The following PALLD variants were observed in gnomAD, a reference collection of about 807,000 sequenced individuals.
The protein encoded by PALLD is palladin.
In PALLD, 61 loss-of-function variants were observed where a neutral mutation model predicts 123.5. The observed-to-expected ratio is 0.49, with a 90% CI of 0.40 to 0.61. The LOEUF is 0.61. Among genes scored for constraint, PALLD ranks in the 20% least tolerant of loss-of-function variants. PALLD has a pLI of 0.00. For synonymous variants in PALLD, 465 were observed against 496.4 expected, an observed-to-expected ratio of 0.94 and a Z score of 0.84; for missense variants, 1,273 against 1,377.0, an observed-to-expected ratio of 0.92 and a Z score of 1.20.
At chr4:168,628,020 G>A (rs1012267778) in intron 2 of PALLD, among the ~76,000 whole-genome samples, 43 of 152,226 alleles carry the variant, frequency 2.8e-4, no homozygotes, top group African/African-American at 9.9e-4. Flanking sequence ...AACATTGCTA[G>A]TGGAAGTGTA....
intron 1 of PALLD, chr4:168,504,947 C>A (rs1468776769): frequency 3.9e-5 from 6 of 152,196 alleles, no homozygotes; most frequent in African/African-American, 1.4e-4. Flanking sequence ...ATCACACCGG[C>A]ATAGAATTAC....
chr4:168,668,731 T>C (rs1336086473), intron 3 of PALLD, among the ~76,000 whole-genome samples: 1 of 152,246 alleles, frequency 6.6e-6, no homozygotes, highest in Non-Finnish European at 1.5e-5. Flanking sequence ...AAATCATTCA[T>C]GAGAATTTTA....
At chr4:168,538,599 G>A (rs188889760) in intron 2 of PALLD, among the ~76,000 whole-genome samples, 1 of 152,164 alleles carries the variant, frequency 6.6e-6, no homozygotes, top group Admixed American at 6.5e-5. Context: ...TTCCAGAAGA[G>A]ACACAATTGT....
chr4:168,735,051 G>A (rs28399247), intron 10 of PALLD, among the ~76,000 whole-genome samples: 6,691 of 152,186 alleles, frequency 0.044, 488 homozygotes, highest in East Asian at 0.32. Flanking sequence ...TTTCTTGGAG[G>A]CTGAGTCATT....
At chr4:168,920,241 A>G (rs1444973465) in intron 17 of PALLD, among the ~76,000 whole-genome samples, 1 of 152,194 alleles carries the variant, frequency 6.6e-6, no homozygotes, top group Non-Finnish European at 1.5e-5. Context: ...AGTGTCTCAG[A>G]AGCCAAGCTG....
chr4:168,708,869 A>G (rs1445296566), intron 8 of PALLD, among the ~76,000 whole-genome samples, 159 bp from the exon 9 acceptor site: 2 of 152,084 alleles, frequency 1.3e-5, no homozygotes, highest in Non-Finnish European at 2.9e-5. Flanking sequence ...AGAATTGCTA[A>G]ATTAAATGTA....
chr4:168,846,095 C>T (rs1314899429), intron 10 of PALLD, among the ~76,000 whole-genome samples: 1 of 152,224 alleles, frequency 6.6e-6, no homozygotes, highest in East Asian at 1.9e-4. Flanking sequence ...GTCCTCTTCT[C>T]TAATATGCAT....
intron 10 of PALLD, among the ~76,000 whole-genome samples, chr4:168,771,913 G>C (rs1242245961): frequency 6.6e-6 from 1 of 152,178 alleles, no homozygotes; most frequent in East Asian, 1.9e-4. Context: ...CCCAGAAAGA[G>C]TATTTAGGAG....
chr4:168,515,542 T>G (rs893122871), intron 2 of PALLD, among the ~76,000 whole-genome samples: 3 of 151,910 alleles, frequency 2.0e-5, no homozygotes, highest in Admixed American at 6.6e-5. Flanking sequence ...CGCTCCTCAG[T>G]GTTGGGTAGT....
intron 2 of PALLD, among the ~76,000 whole-genome samples, chr4:168,603,111 A>G (rs1249553323): frequency 6.6e-6 from 1 of 152,136 alleles, no homozygotes; most frequent in African/African-American, 2.4e-5. Context: ...TCATGGATTA[A>G]CCACTCTAAA....
chr4:168,726,205 G>A (rs1245348061), intron 10 of PALLD, among the ~76,000 whole-genome samples: 1 of 152,160 alleles, frequency 6.6e-6, no homozygotes, highest in East Asian at 1.9e-4. Context: ...TTACTGGAGA[G>A]AAATGTTAGG....
rs980935983 is a variant in PALLD, at chr4:168,927,529, G to A, written c.*1349G>A. 3 of 231,352 alleles carry A rather than the reference G, an allele frequency of 1.3e-5. No individual in the cohort carries two copies. The highest frequency in any genetic ancestry group is 1.2e-4 in the East Asian group (2 of 16,396). 14.3% of individuals were successfully genotyped at this position (231,352 alleles called of 1,614,324 possible). A position where few individuals can be genotyped will look rare whatever the true frequency, so the allele number is the denominator to read the frequency against. On this transcript the variant is annotated 3_prime_UTR_variant, in exon 22 of 22. Transcript: ENST00000505667. ...TGGCATAAATGAGAAATTGCCTGTAGCATCTAGTCTACTTGAAGGAAGTGG... is the reference window on the plus strand; with the variant it reads ...TGGCATAAATGAGAAATTGCCTGTAACATCTAGTCTACTTGAAGGAAGTGG...
chr4:168,776,456 G>A (rs1023220451), intron 10 of PALLD, among the ~76,000 whole-genome samples: 1 of 152,154 alleles, frequency 6.6e-6, no homozygotes, highest in Non-Finnish European at 1.5e-5. Flanking sequence ...AATACAGACA[G>A]CTTTGCTTCC....
At chr4:168,829,726 G>A (rs998007006) in intron 10 of PALLD, among the ~76,000 whole-genome samples, 11 of 152,166 alleles carry the variant, frequency 7.2e-5, no homozygotes, top group Admixed American at 2.0e-4. Context: ...TGACATGGGC[G>A]TAAACAAGCT....
intron 3 of PALLD, chr4:168,678,075 G>A (rs1781047302): frequency 6.6e-6 from 1 of 152,208 alleles, no homozygotes; most frequent in Non-Finnish European, 1.5e-5. Flanking sequence ...CATGAAGCTA[G>A]GCCCTCTGAG....
At chr4:168,753,366 A>G (rs1309777727) in intron 10 of PALLD, among the ~76,000 whole-genome samples, 2 of 149,916 alleles carry the variant, frequency 1.3e-5, no homozygotes, top group Admixed American at 6.7e-5. Context: ...GACCCCCCAA[A>G]CCCACCCCTT....
chr4:168,897,148 C>G (rs1700306116), intron 13 of PALLD, among the ~76,000 whole-genome samples: 1 of 151,946 alleles, frequency 6.6e-6, no homozygotes, highest in Non-Finnish European at 1.5e-5. Context: ...GAATTTAATT[C>G]TGTCATTAGT....
chr4:168,719,663 T>C (rs1785791218), intron 10 of PALLD, among the ~76,000 whole-genome samples: 1 of 152,190 alleles, frequency 6.6e-6, no homozygotes, highest in African/African-American at 2.4e-5. Flanking sequence ...GGTGTACAGA[T>C]AATTTTGTCA....
chr4:168,630,378 G>A (rs909597000), intron 2 of PALLD, among the ~76,000 whole-genome samples: 5 of 152,202 alleles, frequency 3.3e-5, no homozygotes, highest in Admixed American at 6.5e-5. Context: ...TTTTCAGTCT[G>A]AAAAGCAACC....
Sources: allele counts gnomAD v4.1 joint callset (sites outside exome capture counted in the v4.1 genomes callset), GRCh38; gene constraint gnomAD v4.1.1; transcripts MANE v1.5; gene names NCBI Gene and HGNC (gene_info 2026-07-23, HGNC 2026-07-21).